TNNI3K: variants seen among roughly 807,000 people sequenced by gnomAD.
TNNI3K encodes the protein TNNI3 interacting kinase.
Under a neutral mutation model 114.5 loss-of-function variants are expected in TNNI3K, and 140 were observed. The observed-to-expected ratio is 1.22, with a 90% CI of 1.07 to 1.41. The LOEUF (loss-of-function observed/expected upper bound fraction) is 1.41. TNNI3K is among the 40% of genes most tolerant of loss of function. TNNI3K has a pLI of 0.00. For missense variants in TNNI3K, 1,125 were observed against 1,007.6 expected, an observed-to-expected ratio of 1.12 and a Z score of -1.58; for synonymous variants, 347 against 347.5, an observed-to-expected ratio of 1.00 and a Z score of 0.02.
chr1:74,393,500 G>T (rs185006234), intron 17 of TNNI3K, among the ~76,000 whole-genome samples: 109 of 152,246 alleles, frequency 7.2e-4, no homozygotes, highest in African/African-American at 2.5e-3. Context: ...GACCACAAAA[G>T]GACTAGAAAT....
At chr1:74,503,126 A>C (rs190446503) in intron 23 of TNNI3K, among the ~76,000 whole-genome samples, 5 of 152,298 alleles carry the variant, frequency 3.3e-5, no homozygotes, top group East Asian at 3.9e-4. Flanking sequence ...TGAATGAAAA[A>C]AACAACAACA....
chr1:74,318,637 C>G (rs967988605), intron 5 of TNNI3K, among the ~76,000 whole-genome samples: 2 of 152,182 alleles, frequency 1.3e-5, no homozygotes, highest in South Asian at 2.1e-4. Context: ...CTTTCTCTTT[C>G]TTCCCCAGAC....
At chr1:74,372,565 A>G (rs1662670862) in intron 17 of TNNI3K, 1 of 151,960 alleles carries the variant, frequency 6.6e-6, no homozygotes, top group African/African-American at 2.4e-5. Context: ...ATTTACGTTA[A>G]CAAACATTTA....
At chr1:74,408,382 G>A (rs897933878) in intron 17 of TNNI3K, among the ~76,000 whole-genome samples, 2 of 152,272 alleles carry the variant, frequency 1.3e-5, no homozygotes, top group East Asian at 3.9e-4. Flanking sequence ...TATAAAAACT[G>A]AAGTTAATAT....
At chr1:74,338,654 T>A (rs557995351) in intron 7 of TNNI3K, among the ~76,000 whole-genome samples, 30 of 152,256 alleles carry the variant, frequency 2.0e-4, no homozygotes, top group African/African-American at 7.0e-4. Context: ...ATTTAGTTAA[T>A]AAAGCTAATC....
At chr1:74,361,878 A>C (rs1388596512) in intron 11 of TNNI3K, among the ~76,000 whole-genome samples, 2 of 152,130 alleles carry the variant, frequency 1.3e-5, no homozygotes, top group African/African-American at 4.8e-5. Flanking sequence ...TAAATAATTT[A>C]GTTTGGATAT....
intron 23 of TNNI3K, among the ~76,000 whole-genome samples, chr1:74,525,852 C>G (rs1646497436): frequency 6.6e-6 from 1 of 152,154 alleles, no homozygotes. Context: ...CACAGCACAT[C>G]ACACCAGAGT....
At chr1:74,334,760 T>A (rs1430749266) in intron 6 of TNNI3K, among the ~76,000 whole-genome samples, 1 of 152,056 alleles carries the variant, frequency 6.6e-6, no homozygotes, top group African/African-American at 2.4e-5. Context: ...AAAAGACCCA[T>A]ATGACTGAAG....
chr1:74,332,509 C>G (rs1251413589), intron 6 of TNNI3K, among the ~76,000 whole-genome samples: 1 of 151,970 alleles, frequency 6.6e-6, no homozygotes, highest in African/African-American at 2.4e-5. Flanking sequence ...ACCATGTTAG[C>G]CAGGATGGTC....
intron 5 of TNNI3K, among the ~76,000 whole-genome samples, chr1:74,311,385 C>T (rs1319633882): frequency 6.6e-6 from 1 of 152,044 alleles, no homozygotes; most frequent in African/African-American, 2.4e-5. Flanking sequence ...ATTATTATCT[C>T]TAATTAGTTC....
intron 4 of TNNI3K, among the ~76,000 whole-genome samples, chr1:74,257,531 T>A (rs1030185428): frequency 4.6e-5 from 7 of 152,056 alleles, no homozygotes; most frequent in South Asian, 2.1e-4. Context: ...GAGTTTTTTT[T>A]ATGTTTGTTT....
In TNNI3K at chr1:74,282,801, C is replaced by T. The variant is rs867402487; in HGVS notation, c.444+11093C>T. On this transcript the variant is annotated intron_variant, in intron 5 of 24. Transcript: ENST00000326637. ...TATTTCACACAATGCATCAATATTACCTTGTCTCTGATAAGTCTCCCAAAA... is the reference window on the plus strand; with the variant it reads ...TATTTCACACAATGCATCAATATTATCTTGTCTCTGATAAGTCTCCCAAAA... Among the ~76,000 whole-genome samples the T allele has an allele frequency of 1.1e-4, 17 of 152,210 alleles. 1 individual carries two copies. The South Asian group carries it at 2.5e-3, about 22-fold the overall frequency.
At chr1:74,427,517 T>A (rs1252369753) in intron 17 of TNNI3K, among the ~76,000 whole-genome samples, 2 of 152,034 alleles carry the variant, frequency 1.3e-5, no homozygotes, top group Non-Finnish European at 2.9e-5. Context: ...AAACCTCTGT[T>A]CATCCACGGT....
chr1:74,465,845 A>G (rs1667653895), intron 21 of TNNI3K, among the ~76,000 whole-genome samples: 1 of 152,156 alleles, frequency 6.6e-6, no homozygotes, highest in Non-Finnish European at 1.5e-5. Context: ...AAAACGGACC[A>G]ATCAGCTCTC....
chr1:74,524,444 G>T (rs1196119272), intron 23 of TNNI3K, among the ~76,000 whole-genome samples: 1 of 152,074 alleles, frequency 6.6e-6, no homozygotes, highest in Admixed American at 6.6e-5. Context: ...GAGTATGTAG[G>T]GCCAACTGGT....
At chr1:74,499,673 T>G (rs1669510875) in intron 23 of TNNI3K, among the ~76,000 whole-genome samples, 1 of 152,136 alleles carries the variant, frequency 6.6e-6, no homozygotes, top group African/African-American at 2.4e-5. Context: ...ATACTCAGCT[T>G]GTATTTCCCA....
chr1:74,342,520 A>G (rs1208143512), intron 7 of TNNI3K, among the ~76,000 whole-genome samples: 1 of 152,096 alleles, frequency 6.6e-6, no homozygotes, highest in Non-Finnish European at 1.5e-5. Context: ...TTGAAATGTG[A>G]TCCTTGTAGA....
chr1:74,277,480 G>A (rs141803142), intron 5 of TNNI3K, among the ~76,000 whole-genome samples: 312 of 152,190 alleles, frequency 2.1e-3, no homozygotes, highest in African/African-American at 6.8e-3. Context: ...CTACATATAC[G>A]ATTAAAGCAA....
chr1:74,375,759 A>C, intron 17 of TNNI3K: 1 of 356,104 alleles, frequency 2.8e-6, no homozygotes, highest in Non-Finnish European at 5.8e-6. Context: ...CCCCATCCTC[A>C]AGTTTTTGAG....
Sources: allele counts gnomAD v4.1 joint callset (sites outside exome capture counted in the v4.1 genomes callset), GRCh38; gene constraint gnomAD v4.1.1; transcripts MANE v1.5; gene names NCBI Gene and HGNC (gene_info 2026-07-23, HGNC 2026-07-21).